Variants in ARID1B observed in about 807,000 individuals in gnomAD.
ARID1B encodes AT-rich interaction domain 1B.
In ARID1B, 30 loss-of-function variants were observed where a neutral mutation model predicts 212.3. The observed-to-expected ratio is 0.14, with a 90% CI of 0.11 to 0.19. The LOEUF (loss-of-function observed/expected upper bound fraction) is 0.19. Among genes scored for constraint, ARID1B ranks in the 10% least tolerant of loss-of-function variants. ARID1B has a pLI of 1.00. For missense variants in ARID1B, 2,891 were observed against 3,204.0 expected, an observed-to-expected ratio of 0.90 and a Z score of 2.36; for synonymous variants, 1,402 against 1,301.7, an observed-to-expected ratio of 1.08 and a Z score of -1.66.
intron 6 of ARID1B, among the ~76,000 whole-genome samples, chr6:157,112,233 A>C (rs564621469): frequency 6.6e-6 from 1 of 152,324 alleles, no homozygotes; most frequent in East Asian, 1.9e-4. Context: ...GCTCCAAATC[A>C]TCCTTTTATC....
At chr6:157,059,049 C>A (rs149862518) in intron 4 of ARID1B, among the ~76,000 whole-genome samples, 1 of 150,686 alleles carries the variant, frequency 6.6e-6, no homozygotes, top group East Asian at 1.9e-4. Context: ...GGTACTTCAG[C>A]TTGGAAATTG....
chr6:157,189,476 A>G (rs1263467813), intron 13 of ARID1B, among the ~76,000 whole-genome samples, 166 bp from the exon 14 acceptor site: 1 of 152,272 alleles, frequency 6.6e-6, no homozygotes, highest in African/African-American at 2.4e-5. Flanking sequence ...ATAGAAAAGC[A>G]ACGAATTTTA....
At chr6:156,862,127 C>G (rs1785374030) in intron 2 of ARID1B, among the ~76,000 whole-genome samples, 1 of 152,160 alleles carries the variant, frequency 6.6e-6, no homozygotes, top group Admixed American at 6.5e-5. Flanking sequence ...GTTCAGTGGA[C>G]AGCTGGAAAT....
At chr6:156,934,915 TATATATA>T (rs1562494661) in intron 3 of ARID1B, among the ~76,000 whole-genome samples, 1,887 of 38,930 alleles carry the variant, frequency 0.048, 80 homozygotes, top group Middle Eastern at 0.097. Context: ...TTGTTAATTA[TATATATA>T]TATATATATA....
intron 2 of ARID1B, chr6:156,829,700 A>G (rs542434586): frequency 3.1e-6 from 1 of 322,192 alleles, no homozygotes; most frequent in East Asian, 5.3e-5. Flanking sequence ...GCAGGTTATA[A>G]CAGATGTAAG....
intron 2 of ARID1B, among the ~76,000 whole-genome samples, chr6:156,834,066 A>T (rs1012087182): frequency 2.0e-5 from 3 of 152,194 alleles, no homozygotes; most frequent in African/African-American, 4.8e-5. Flanking sequence ...CTGGAAAAAA[A>T]TGTGTTTCTT....
intron 12 of ARID1B, among the ~76,000 whole-genome samples, chr6:157,181,612 C>T (rs1218627150): frequency 6.6e-6 from 1 of 152,238 alleles, no homozygotes; most frequent in Non-Finnish European, 1.5e-5. Flanking sequence ...TTAAGTGATA[C>T]TTGTCAAACC....
At chr6:157,109,588 A>G (rs1030144752) in intron 5 of ARID1B, among the ~76,000 whole-genome samples, 12 of 152,240 alleles carry the variant, frequency 7.9e-5, no homozygotes, top group Non-Finnish European at 1.5e-4. Flanking sequence ...TTAGAAATGC[A>G]TTTAAACCTC....
Position 157,206,700 on chromosome 6 carries a change from A to G in ARID1B, c.5928A>G (p.Ala1976=), listed in dbSNP as rs937432171. Reference sequence around the variant, plus strand: ...GCCCACCTCCCCCCTTAAGCTCCGCAGGTAGAAAGAAAGAGCAAGAAGGCA... The same window carrying G: ...GCCCACCTCCCCCCTTAAGCTCCGCGGGTAGAAAGAAAGAGCAAGAAGGCA... ...RRRPPPPLSS[A]GRKKEQEGKG... is the part of the protein sequence containing the mutation. The change falls in exon 20 of 20, where the codon GCA becomes GCG. Residue 1976 remains alanine (A), a synonymous_variant. Transcript: ENST00000636930. The surrounding 1 kb of genome is among the most constrained non-coding windows in gnomAD (Gnocchi z 6.8). 6.2e-7 allele frequency: 1 copy of G among 1,612,742 alleles called. No homozygotes were observed. The highest frequency in any genetic ancestry group is 8.5e-7 in the Non-Finnish European group (1 of 1,180,018).
intron 7 of ARID1B, among the ~76,000 whole-genome samples, chr6:157,145,261 T>C (rs1562299839): frequency 1.3e-5 from 2 of 152,216 alleles, no homozygotes; most frequent in African/African-American, 4.8e-5. Context: ...CCACAGATTG[T>C]GGCCCGCTCT....
At chr6:156,807,692 G>A (rs758397976) in intron 1 of ARID1B, among the ~76,000 whole-genome samples, 9 of 152,062 alleles carry the variant, frequency 5.9e-5, no homozygotes, top group African/African-American at 1.7e-4. Flanking sequence ...GATATTGTAC[G>A]TGTTCTCTGA....
intron 2 of ARID1B, among the ~76,000 whole-genome samples, chr6:156,846,219 A>G (rs946482013): frequency 1.3e-5 from 2 of 151,968 alleles, no homozygotes; most frequent in Admixed American, 6.5e-5. Context: ...CAGTGGCACA[A>G]TCTCCGCTCA....
intron 1 of ARID1B, among the ~76,000 whole-genome samples, chr6:156,781,877 T>C (rs781450236): frequency 6.6e-6 from 1 of 151,802 alleles, no homozygotes; most frequent in Non-Finnish European, 1.5e-5. Context: ...CATGTTACTT[T>C]AGAGTATTTT....
chr6:156,882,137 G>A (rs536233458), intron 2 of ARID1B, among the ~76,000 whole-genome samples: 16 of 152,136 alleles, frequency 1.1e-4, no homozygotes, highest in Non-Finnish European at 2.2e-4. Context: ...CCCCAGCTGG[G>A]TTGCAGCTGT....
At chr6:157,059,735 G>T (rs935923153) in intron 4 of ARID1B, among the ~76,000 whole-genome samples, 1 of 152,186 alleles carries the variant, frequency 6.6e-6, no homozygotes, top group Non-Finnish European at 1.5e-5. Context: ...TAAAGCTCCT[G>T]CCTGGCCTGG....
At chr6:157,074,026 G>C (rs1233320346) in intron 4 of ARID1B, among the ~76,000 whole-genome samples, 2 of 152,186 alleles carry the variant, frequency 1.3e-5, no homozygotes, top group Non-Finnish European at 2.9e-5. Flanking sequence ...TCTGGTTCCA[G>C]AGCCCGAATT....
Position 157,059,368 on chromosome 6 carries a change from T to G in ARID1B, c.2248-25294T>G, listed in dbSNP as rs181224466. 2.4e-3 allele frequency among the ~76,000 whole-genome samples: 368 copies of G among 152,306 alleles called. 3 individuals carry two copies. Among genetic ancestry groups the G allele is most frequent in the Admixed American group, 0.02 (301 of 15,294 alleles). ...GCTAAGCCCTTGCTTTTTAGAGAGA[T>G]AAAGTTACTTATCGTGTTTTCCTTT... On this transcript the variant is annotated intron_variant, in intron 4 of 19. Coordinates refer to ENST00000636930, the MANE Select transcript of ARID1B (RefSeq NM_001374828.1).
intron 4 of ARID1B, among the ~76,000 whole-genome samples, chr6:156,956,635 G>A (rs1359449405): frequency 6.6e-6 from 1 of 152,116 alleles, no homozygotes; most frequent in Non-Finnish European, 1.5e-5. Flanking sequence ...TTTCCATTCA[G>A]TGTATTTTGC....
chr6:157,177,578 CCATACA>C (rs1036695278), intron 11 of ARID1B, among the ~76,000 whole-genome samples: 12 of 152,124 alleles, frequency 7.9e-5, no homozygotes, highest in Non-Finnish European at 1.5e-4. Flanking sequence ...AAACATTTGT[CCATACA>C]CATACACATA....
Sources: allele counts gnomAD v4.1 joint callset (sites outside exome capture counted in the v4.1 genomes callset), GRCh38; gene constraint gnomAD v4.1.1; non-coding constraint Gnocchi (gnomAD v3.1); transcripts MANE v1.5; gene names NCBI Gene and HGNC (gene_info 2026-07-23, HGNC 2026-07-21).